The following BACH2 variants were observed in gnomAD, a reference collection of about 807,000 sequenced individuals.
BACH2 encodes the protein transcription regulator protein BACH2.
BACH2 carries 5 observed loss-of-function variants against 61.8 expected under a neutral mutation model. That is an observed-to-expected ratio of 0.08 (90% CI 0.04 to 0.17). BACH2 has a LOEUF of 0.17. BACH2 is among the 10% of genes least tolerant of loss of function. The pLI, the probability that BACH2 is intolerant of heterozygous loss-of-function variation, is 1.00. For missense variants in BACH2, 824 were observed against 1,091.1 expected, an observed-to-expected ratio of 0.76 and a Z score of 3.45; for synonymous variants, 446 against 440.1, an observed-to-expected ratio of 1.01 and a Z score of -0.17.
intron 4 of BACH2, among the ~76,000 whole-genome samples, chr6:90,162,703 T>A (rs981615306): frequency 5.9e-5 from 9 of 152,176 alleles, no homozygotes; most frequent in Non-Finnish European, 1.0e-4. Context: ...TCTACTAATA[T>A]GCATTTTAAT....
chr6:90,214,448 CAG>C (rs1769460502), intron 3 of BACH2, among the ~76,000 whole-genome samples: 1 of 152,152 alleles, frequency 6.6e-6, no homozygotes, highest in African/African-American at 2.4e-5. Flanking sequence ...TGGGTTACTT[CAG>C]AGTGATCCAC....
intron 4 of BACH2, among the ~76,000 whole-genome samples, chr6:90,204,036 T>A (rs1000386164): frequency 6.6e-6 from 1 of 152,138 alleles, no homozygotes; most frequent in Non-Finnish European, 1.5e-5. Context: ...TCTAGAGGGA[T>A]GGTCTCTAAT....
At chr6:90,203,136 T>C (rs1334667867) in intron 4 of BACH2, among the ~76,000 whole-genome samples, 1 of 152,042 alleles carries the variant, frequency 6.6e-6, no homozygotes, top group African/African-American at 2.4e-5. Context: ...TTTGGCCAGG[T>C]GAGGTGGTTC....
chr6:89,958,474 T>G (rs1774550036), intron 6 of BACH2, among the ~76,000 whole-genome samples: 2 of 152,384 alleles, frequency 1.3e-5, no homozygotes, highest in South Asian at 4.1e-4. Context: ...ACAGGGATAC[T>G]GACAGTGCCT....
chr6:90,205,642 C>T (rs930978126), intron 4 of BACH2, among the ~76,000 whole-genome samples: 2 of 152,208 alleles, frequency 1.3e-5, no homozygotes, highest in Admixed American at 1.3e-4. Flanking sequence ...TCTGAGCACA[C>T]CAGGCTTTCT....
At chr6:90,064,949 T>C (rs1451161837) in intron 5 of BACH2, among the ~76,000 whole-genome samples, 2 of 152,206 alleles carry the variant, frequency 1.3e-5, no homozygotes, top group African/African-American at 4.8e-5. Context: ...ACGTGCTTGA[T>C]GCTGGACACT....
chr6:89,940,778 G>C (rs933477275), intron 7 of BACH2, among the ~76,000 whole-genome samples: 1 of 151,476 alleles, frequency 6.6e-6, no homozygotes, highest in African/African-American at 2.4e-5. Context: ...TTTGAATACT[G>C]TATGTTATTT....
At chr6:90,126,324 T>C (rs1035934776) in intron 4 of BACH2, among the ~76,000 whole-genome samples, 3 of 152,220 alleles carry the variant, frequency 2.0e-5, no homozygotes, top group Admixed American at 6.5e-5. Flanking sequence ...CGGGAACACA[T>C]CTCAAAAATG....
At chr6:90,280,478 T>C (rs759969937) in intron 1 of BACH2, among the ~76,000 whole-genome samples, 4 of 152,244 alleles carry the variant, frequency 2.6e-5, no homozygotes, top group Non-Finnish European at 5.9e-5. Flanking sequence ...TGTTTTAAAT[T>C]GATAATGTCA....
chr6:89,938,215 T>C lies in BACH2; in HGVS notation c.1972A>G (p.Ile658Val). ...CTTTTGCGGCAGCGCTGGGCCGCGATGCGGTTCTTGCTGCGCCGTCGGACA... is the reference window on the plus strand; with the variant it reads ...CTTTTGCGGCAGCGCTGGGCCGCGACGCGGTTCTTGCTGCGCCGTCGGACA... ...HDVRRRSKNR[I>V]AAQRCRKRKL... The change falls in exon 8 of 9, where the codon ATC becomes GTC. Residue 658 changes from isoleucine (I) to valine (V), a missense_variant. Coordinates refer to ENST00000257749, the MANE Select transcript of BACH2 (RefSeq NM_021813.4). The C allele has an allele frequency of 3.1e-6, 5 of 1,614,248 alleles. No individual in the cohort carries two copies. The highest frequency in any genetic ancestry group is 4.2e-6 in the Non-Finnish European group (5 of 1,180,032).
At chr6:90,005,217 G>A (rs1316611275) in intron 6 of BACH2, among the ~76,000 whole-genome samples, 2 of 152,080 alleles carry the variant, frequency 1.3e-5, no homozygotes, top group Non-Finnish European at 2.9e-5. Context: ...GGGGAGGAGT[G>A]GCAGTTTGTG....
chr6:90,078,673 A>T (rs1377961657), intron 5 of BACH2, among the ~76,000 whole-genome samples: 2 of 152,138 alleles, frequency 1.3e-5, no homozygotes, highest in East Asian at 3.9e-4. Context: ...TGCTTTATGT[A>T]CGTCATCTCA....
chr6:90,239,208 T>G (rs1003612503), intron 3 of BACH2, among the ~76,000 whole-genome samples: 1 of 152,146 alleles, frequency 6.6e-6, no homozygotes, highest in African/African-American at 2.4e-5. Flanking sequence ...ATCTAAGATG[T>G]CCACGAGCCA....
At chr6:90,210,354 C>T (rs1037903928) in intron 3 of BACH2, among the ~76,000 whole-genome samples, 1 of 151,132 alleles carries the variant, frequency 6.6e-6, no homozygotes, top group Non-Finnish European at 1.5e-5. Context: ...CACACACGCA[C>T]ATGCACACAC....
intron 5 of BACH2, among the ~76,000 whole-genome samples, chr6:90,055,064 G>A (rs1780258984): frequency 6.6e-6 from 1 of 152,210 alleles, no homozygotes; most frequent in Admixed American, 6.5e-5. Flanking sequence ...AAATCAGAGT[G>A]CCTCTCCTCC....
chr6:90,185,591 A>T (rs1449393065), intron 4 of BACH2, among the ~76,000 whole-genome samples: 1 of 152,218 alleles, frequency 6.6e-6, no homozygotes, highest in East Asian at 1.9e-4. Flanking sequence ...TTTTTCTAAA[A>T]TTAACATATA....
chr6:89,983,567 G>A (rs9344979), intron 6 of BACH2, among the ~76,000 whole-genome samples: 8,609 of 152,214 alleles, frequency 0.057, 259 homozygotes, highest in Non-Finnish European at 0.069. Context: ...TACTCGGGAG[G>A]CTGAGGCAGG....
At chr6:90,136,541 CT>C (rs543629169) in intron 4 of BACH2, among the ~76,000 whole-genome samples, 2 of 152,200 alleles carry the variant, frequency 1.3e-5, no homozygotes, top group Non-Finnish European at 2.9e-5. Context: ...CACCCCTCCC[CT>C]GGCCCACTAT....
intron 1 of BACH2, among the ~76,000 whole-genome samples, chr6:90,286,127 T>A (rs2127889335): frequency 6.6e-6 from 1 of 152,346 alleles, no homozygotes; most frequent in East Asian, 1.9e-4. Context: ...TGGTTTTAAT[T>A]TTAACTAGAT....
Sources: allele counts gnomAD v4.1 joint callset (sites outside exome capture counted in the v4.1 genomes callset), GRCh38; gene constraint gnomAD v4.1.1; transcripts MANE v1.5; gene names NCBI Gene and HGNC (gene_info 2026-07-23, HGNC 2026-07-21).